Variants in DAB2IP observed in about 807,000 individuals in gnomAD.
The protein encoded by DAB2IP is DAB2 interacting protein.
In DAB2IP, 28 loss-of-function variants were observed where a neutral mutation model predicts 107.2. The ratio of observed to expected loss-of-function variants is 0.26; its 90% CI spans 0.19 to 0.36. DAB2IP has a LOEUF of 0.36. Among genes scored for constraint, DAB2IP ranks in the 10% least tolerant of loss-of-function variants. DAB2IP has a pLI of 1.00. For synonymous variants in DAB2IP, 755 were observed against 706.4 expected (o/e 1.07, Z -1.09); for missense variants, 1,400 against 1,644.7 (o/e 0.85, Z 2.57).
chr9:121,602,644 C>G (rs922041845), intron 1 of DAB2IP, among the ~76,000 whole-genome samples: 12 of 152,138 alleles, frequency 7.9e-5, no homozygotes, highest in Non-Finnish European at 1.5e-4. Flanking sequence ...GGCGTGATCT[C>G]GGCTCACTGC....
intron 3 of DAB2IP, among the ~76,000 whole-genome samples, chr9:121,754,865 C>T (rs73664521): frequency 0.011 from 1,620 of 152,270 alleles, 38 homozygotes; most frequent in African/African-American, 0.038. Context: ...AGGCAGGAGG[C>T]GGCCTCAGCT....
At chr9:121,649,561 A>G (rs917652793), upstream of DAB2IP, among the ~76,000 whole-genome samples, 4 of 152,180 alleles carry the variant, frequency 2.6e-5, no homozygotes, top group Admixed American at 6.5e-5. Flanking sequence ...AAAATGGGCC[A>G]GATGAACTCA....
chr9:121,684,514 GA>G lies in DAB2IP; in HGVS notation c.228+5734del, dbSNP rs1031940897. 1.3e-5 allele frequency among the ~76,000 whole-genome samples: 2 copies of G among 152,142 alleles called. No homozygotes were observed. Among genetic ancestry groups the G allele is most frequent in the African/African-American group, 4.8e-5 (2 of 41,434 alleles). ...GGTCCAACTGCCCTCGGAGCCCCAC[GA>G]CAGCTCCTTCCCGCTCATCTGCACA... On this transcript the variant is annotated intron_variant, in intron 2 of 15. Coordinates refer to ENST00000408936, the Ensembl canonical transcript of DAB2IP. This position sits in a 1 kb window ranked among gnomAD's most constrained non-coding sequence, Gnocchi z 4.0.
chr9:121,612,930 C>T (rs961421851), intron 1 of DAB2IP, among the ~76,000 whole-genome samples: 129 of 152,336 alleles, frequency 8.5e-4, no homozygotes, highest in African/African-American at 3.1e-3. Flanking sequence ...TGGGAGCCCC[C>T]AAGCTTGGCA....
At chr9:121,653,624 G>A (rs1441160041) in intron 1 of DAB2IP, among the ~76,000 whole-genome samples, 4 of 152,006 alleles carry the variant, frequency 2.6e-5, no homozygotes, top group African/African-American at 7.3e-5. Context: ...CCCACCTCAC[G>A]TCACCTCACC....
In DAB2IP at chr9:121,759,969, G is replaced by A. The variant is rs1241440916; in HGVS notation, c.700G>A (p.Glu234Lys). The change falls in exon 6 of 16, where the codon GAG (glutamate) becomes AAG (lysine). Residue 234 changes from glutamate to lysine, a missense_variant. By Grantham distance (56) the Glu-to-Lys change is moderately conservative. Transcript: ENST00000408936. Reference sequence around the variant, plus strand: ...GCCAGCCAAGAAGAAGTACCTGTGCGAGCTGTGCCTGGACGATGTGCTCTA... The same window carrying A: ...GCCAGCCAAGAAGAAGTACCTGTGCAAGCTGTGCCTGGACGATGTGCTCTA... The A allele has an allele frequency of 3.7e-6, 6 of 1,614,050 alleles. No homozygotes were observed. Among genetic ancestry groups the A allele is most frequent in the African/African-American group, 1.3e-5 (1 of 74,914 alleles).
At chr9:121,620,990 C>T (rs1173459697) in intron 1 of DAB2IP, among the ~76,000 whole-genome samples, 1 of 152,222 alleles carries the variant, frequency 6.6e-6, no homozygotes, top group African/African-American at 2.4e-5. Context: ...CTCTCGCATT[C>T]ACCTGCTCCC....
rs1831577070 is a variant in DAB2IP at position 121,732,080 on chromosome 9, C to T, written c.363-24933C>T. Among the ~76,000 whole-genome samples the T allele has an allele frequency of 3.9e-5, 6 of 152,062 alleles. No homozygotes were observed. In the South Asian group the frequency reaches 1.2e-3, roughly 32 times the overall value. On this transcript the variant is annotated intron_variant, in intron 3 of 15. Coordinates refer to ENST00000408936, the Ensembl canonical transcript of DAB2IP. ...GCTGAGGGGACTGCCCAGGTTGATC[C>T]CGGCGTCTTGTACAATAGAACCAGC...
intron 1 of DAB2IP, among the ~76,000 whole-genome samples, chr9:121,631,205 G>T (rs185675648): frequency 2.0e-5 from 3 of 152,208 alleles, no homozygotes; most frequent in Admixed American, 2.0e-4. Flanking sequence ...GTTGCGGGAG[G>T]GGGCAAGGCA....
intron 2 of DAB2IP, among the ~76,000 whole-genome samples, chr9:121,690,309 G>A (rs959682551): frequency 7.7e-6 from 1 of 129,148 alleles, no homozygotes; most frequent in African/African-American, 4.2e-5. Context: ...GGGAGGACTG[G>A]CTGGGACCTC....
intron 6 of DAB2IP, among the ~76,000 whole-genome samples, chr9:121,761,191 A>G (rs577242684): frequency 1.1e-4 from 16 of 152,336 alleles, no homozygotes; most frequent in African/African-American, 3.6e-4. Flanking sequence ...TGCCCCTAGG[A>G]AGGCAGTAGA....
intron 3 of DAB2IP, among the ~76,000 whole-genome samples, chr9:121,745,649 G>A (rs1337278986): frequency 7.1e-6 from 1 of 140,548 alleles, no homozygotes; most frequent in Non-Finnish European, 1.6e-5. Flanking sequence ...GCGGGGGTGG[G>A]GGGTGGGGTG....
chr9:121,606,258 G>A (rs924236944), intron 1 of DAB2IP, among the ~76,000 whole-genome samples: 2 of 152,108 alleles, frequency 1.3e-5, no homozygotes, highest in Non-Finnish European at 2.9e-5. Flanking sequence ...CAGCTACTCA[G>A]GAGGCTGAGG....
rs753892738 is a variant in DAB2IP, at chr9:121,770,635, G to A, written c.1989G>A (p.Gly663=). Residue 663 remains glycine (G), a synonymous_variant, in exon 11 of 16, where the codon GGG becomes GGA. Coordinates refer to ENST00000408936, the Ensembl canonical transcript of DAB2IP. ...CCCCAGGTAGCGGGCAGCTCCCAGG[G>A]ACCAATGACCTGGCCTCCACACCGG... 34 of 1,614,164 alleles carry A rather than the reference G, an allele frequency of 2.1e-5. 1 individual carries two copies. The highest frequency in any genetic ancestry group is 1.6e-4 in the East Asian group (7 of 44,872).
chr9:121,567,370 G>T (rs1467688144), intron 1 of DAB2IP: 1 of 1,241,264 alleles, frequency 8.1e-7, no homozygotes, highest in East Asian at 2.4e-5. Context: ...CCATGGGTGG[G>T]CATGGGTGCG....
intron 14 of DAB2IP, among the ~76,000 whole-genome samples, chr9:121,780,826 C>T (rs915032406): frequency 1.3e-5 from 2 of 152,182 alleles, no homozygotes; most frequent in African/African-American, 4.8e-5. Flanking sequence ...CCCCCAGCTA[C>T]TGCTCATTGT....
chr9:121,774,115 C>G, intron 12 of DAB2IP, 145 bp from the exon 13 acceptor site: 1 of 949,068 alleles, frequency 1.1e-6, no homozygotes, highest in African/African-American at 1.7e-5. Flanking sequence ...TGGGGACTGC[C>G]TCGGTAGGCG....
Position 121,634,433 on chromosome 9 carries a change from A to G in DAB2IP, c.41-44245A>G, listed in dbSNP as rs1832006303. Among the ~76,000 whole-genome samples, 1 of 152,044 alleles carries G rather than the reference A, an allele frequency of 6.6e-6. No homozygotes were observed. The highest frequency in any genetic ancestry group is 6.5e-5 in the Admixed American group (1 of 15,276). On this transcript the variant is annotated intron_variant, in intron 1 of 16. Coordinates refer to the DAB2IP transcript ENST00000259371. This position sits in a 1 kb window ranked among gnomAD's most constrained non-coding sequence, Gnocchi z 4.7. ...CTGCAGGTCTTTGGAGGAGGGTGAAATGGCCACCCTTAGTGTACACAGGAG... is the reference window on the plus strand; with the variant it reads ...CTGCAGGTCTTTGGAGGAGGGTGAAGTGGCCACCCTTAGTGTACACAGGAG...
chr9:121,779,173 A>G (rs1286409470), intron 14 of DAB2IP, among the ~76,000 whole-genome samples: 1 of 151,964 alleles, frequency 6.6e-6, no homozygotes, highest in African/African-American at 2.4e-5. Context: ...TATTAATCTG[A>G]TCCAGTATTT....
Sources: allele counts gnomAD v4.1 joint callset (sites outside exome capture counted in the v4.1 genomes callset), GRCh38; gene constraint gnomAD v4.1.1; non-coding constraint Gnocchi (gnomAD v3.1); transcripts MANE v1.5; gene names NCBI Gene and HGNC (gene_info 2026-07-23, HGNC 2026-07-21).